Variants in USP43 observed in about 807,000 individuals in gnomAD.
USP43 encodes ubiquitin carboxyl-terminal hydrolase 43.
Under a neutral mutation model 90.7 loss-of-function variants are expected in USP43, and 33 were observed. The observed-to-expected ratio is 0.36, with a 90% CI of 0.28 to 0.49. The LOEUF (loss-of-function observed/expected upper bound fraction) is 0.49, where lower values mean the gene tolerates loss of function less well. Among genes scored for constraint, USP43 ranks in the 20% least tolerant of loss-of-function variants. The probability of loss-of-function intolerance (pLI) is 0.98; values close to 1 mark genes in which losing one functional copy is unlikely to be tolerated. For missense variants in USP43, 1,274 were observed against 1,476.4 expected, an observed-to-expected ratio of 0.86 and a Z score of 2.25; for synonymous variants, 598 against 615.8, an observed-to-expected ratio of 0.97 and a Z score of 0.43.
chr17:9,688,372 G>T (rs548112651), intron 8 of USP43, among the ~76,000 whole-genome samples: 109 of 144,200 alleles, frequency 7.6e-4, no homozygotes, highest in Non-Finnish European at 1.4e-3. Context: ...TTTTTTTTGA[G>T]ATGGAGTCTC....
intron 8 of USP43, among the ~76,000 whole-genome samples, chr17:9,689,100 A>T (rs1914772807): frequency 6.6e-6 from 1 of 151,888 alleles, no homozygotes; most frequent in Non-Finnish European, 1.5e-5. Flanking sequence ...GGGTGAATGT[A>T]TGGTCAGACA....
At chr17:9,711,319 C>T (rs1343392652) in intron 13 of USP43, among the ~76,000 whole-genome samples, 1 of 152,132 alleles carries the variant, frequency 6.6e-6, no homozygotes, top group Non-Finnish European at 1.5e-5. Context: ...TACTTTGGCT[C>T]TGGAAAAAGA....
At position 9,712,961 on chromosome 17, in the gene USP43, CATTT is replaced by C. The variant is rs1255971694; in HGVS notation, c.2335+832_2335+835del. On this transcript the variant is annotated intron_variant, in intron 14 of 14. Coordinates refer to ENST00000285199, the MANE Select transcript of USP43 (RefSeq NM_153210.5). ...TATTTAGAATATACATCACCTCAAA[CATTT>C]ATCATTTCTTTGTGACGGGAACATT... Among the ~76,000 whole-genome samples, 10 of 152,272 alleles carry C rather than the reference CATTT, an allele frequency of 6.6e-5. No homozygotes were observed. The South Asian group carries it at 1.9e-3, about 28-fold the overall frequency.
At chr17:9,664,745 C>T (rs984422812) in intron 2 of USP43, among the ~76,000 whole-genome samples, 2 of 151,118 alleles carry the variant, frequency 1.3e-5, no homozygotes, top group Non-Finnish European at 2.9e-5. Flanking sequence ...TCACGCCATT[C>T]TCCTGCCTCA....
At chr17:9,707,646 C>CAA (rs34253588) in intron 12 of USP43, among the ~76,000 whole-genome samples, 15,455 of 86,740 alleles carry the variant, frequency 0.18, 1,233 homozygotes, top group African/African-American at 0.22. Flanking sequence ...GACTCTGTCT[C>CAA]AAAAAAAAAA....
In USP43 at chr17:9,710,042, A is replaced by G; in HGVS notation, c.2098A>G (p.Arg700Gly). 6.3e-7 allele frequency: 1 copy of G among 1,575,510 alleles called. No individual in the cohort carries two copies. Reference sequence around the variant, plus strand: ...GCTTCGAGAAGATGAGGTCAACACCAGAGGGGCTTATATCCTGTTCTATCA... The same window carrying G: ...GCTTCGAGAAGATGAGGTCAACACCGGAGGGGCTTATATCCTGTTCTATCA... ...EPLREDEVNT[R>G]GAYILFYQKR... The change falls in exon 13 of 15, where the codon AGA becomes GGA. Residue 700 changes from arginine to glycine, a missense_variant. By Grantham distance (125) the Arg-to-Gly change is moderately radical. Coordinates refer to ENST00000285199, the MANE Select transcript of USP43 (RefSeq NM_153210.5).
In USP43 at chr17:9,686,976, T is replaced by C. The variant is rs1343506481; in HGVS notation, c.1353+67T>C. On this transcript the variant is annotated intron_variant, in intron 8 of 14. Coordinates refer to ENST00000285199, the MANE Select transcript of USP43 (RefSeq NM_153210.5). The surrounding 1 kb of genome is among the most constrained non-coding windows in gnomAD (Gnocchi z 5.5). ...GCATGTGCATGCGTGTGTGTGGGTG[T>C]GTGTATTGGGAGGGGTGGAATTTAG... 2 of 1,447,388 alleles carry C rather than the reference T, an allele frequency of 1.4e-6. No homozygotes were observed. Among genetic ancestry groups the C allele is most frequent in the African/African-American group, 2.8e-5 (2 of 71,882 alleles). The allele number at this position is 1,447,388 out of a possible 1,614,324, so 89.7% of individuals were successfully genotyped here. A position where few individuals can be genotyped will look rare whatever the true frequency, so the allele number is the denominator to read the frequency against.
Position 9,725,250 on chromosome 17 carries a change from C to A in USP43, c.2336-2704C>A, listed in dbSNP as rs551393416. Among the ~76,000 whole-genome samples, 3 of 144,888 alleles carry A rather than the reference C, an allele frequency of 2.1e-5. No individual in the cohort carries two copies. The South Asian group carries it at 7.0e-4, about 34-fold the overall frequency. On this transcript the variant is annotated intron_variant, in intron 14 of 14. Coordinates refer to ENST00000285199, the MANE Select transcript of USP43 (RefSeq NM_153210.5). ...TTTATAACCTTCAGGAAGAACCTAA[C>A]GGCCTGTGTCTTTAATGCAGTGTAA...
intron 9 of USP43, among the ~76,000 whole-genome samples, chr17:9,699,865 A>G (rs1915471931): frequency 6.6e-6 from 1 of 152,158 alleles, no homozygotes; most frequent in Non-Finnish European, 1.5e-5. Flanking sequence ...CCCTATAGAC[A>G]TTGAGAAGGT....
At position 9,709,134 on chromosome 17, in the gene USP43, G is replaced by A. The variant is rs563252756; in HGVS notation, c.2012-822G>A. Among the ~76,000 whole-genome samples the A allele has an allele frequency of 3.3e-5, 5 of 152,296 alleles. No homozygotes were observed. The South Asian group carries it at 1.0e-3, about 32-fold the overall frequency. On this transcript the variant is annotated intron_variant, in intron 12 of 14. Coordinates refer to ENST00000285199, the MANE Select transcript of USP43 (RefSeq NM_153210.5). This position sits in a 1 kb window ranked among gnomAD's most constrained non-coding sequence, Gnocchi z 5.0. ...GGGTTATGCTGTCATTTGCTGACAC[G>A]TAGAGGGCAAGGAAACGGATATTTT...
rs1297104773 is a variant in USP43 at position 9,709,388 on chromosome 17, G to T, written c.2012-568G>T. Among the ~76,000 whole-genome samples, 1 of 152,080 alleles carries T rather than the reference G, an allele frequency of 6.6e-6. No homozygotes were observed. Among genetic ancestry groups the T allele is most frequent in the Non-Finnish European group, 1.5e-5 (1 of 68,018 alleles). On this transcript the variant is annotated intron_variant, in intron 12 of 14. Coordinates refer to ENST00000285199, the MANE Select transcript of USP43 (RefSeq NM_153210.5). This position sits in a 1 kb window ranked among gnomAD's most constrained non-coding sequence, Gnocchi z 5.0. ...GGAGCTCCCTTTTATTTGAGATTTT[G>T]CCTGATGAAGGGGTAGAATATTCAA...
rs61729500 is a variant in USP43 at position 9,728,252 on chromosome 17, T to C, written c.2634T>C (p.Asp878=). Residue 878 remains aspartate, a synonymous_variant, in exon 15 of 15, where the codon GAT becomes GAC. Coordinates refer to ENST00000285199, the MANE Select transcript of USP43 (RefSeq NM_153210.5). The surrounding 1 kb of genome is among the most constrained non-coding windows in gnomAD (Gnocchi z 6.2). ...TCGCCCTTCCTGCTAACAGCGAAGA[T>C]GGTGGGCGGGCCATTGAAAGAGGTC... ...SNVALPANSE[D]GGRAIERGPA... 4,205 of 1,613,754 alleles carry C rather than the reference T, an allele frequency of 2.6e-3. 90 individuals are homozygous for C. In the African/African-American group the frequency reaches 0.049, roughly 19 times the overall value.
intron 5 of USP43, among the ~76,000 whole-genome samples, chr17:9,677,952 A>G (rs1424600437): frequency 6.6e-6 from 1 of 152,054 alleles, no homozygotes; most frequent in African/African-American, 2.4e-5. Context: ...CTCTATCGCT[A>G]CCTCATAGAA....
chr17:9,682,901 A>AGAGCAAG lies in USP43; in HGVS notation c.1186_1192dup (p.Val398GlufsTer9), dbSNP rs779842659. 6.2e-7 allele frequency: 1 copy of AGAGCAAG among 1,614,026 alleles called. No homozygotes were observed. Among genetic ancestry groups the AGAGCAAG allele is most frequent in the Non-Finnish European group, 8.5e-7 (1 of 1,179,888 alleles). On this transcript the variant is annotated frameshift_variant, in exon 7 of 15. Transcript: ENST00000285199. LOFTEE classifies it high-confidence loss of function. Reference sequence around the variant, plus strand: ...CGATTCTCCCTCTCTCTCCACAGTGAGAGCAAGGTGCTAATCCTCTTCTGT... The same window carrying AGAGCAAG: ...CGATTCTCCCTCTCTCTCCACAGTGAGAGCAAGGAGCAAGGTGCTAATCCTCTTCTGT...
At chr17:9,649,677 TAA>T (rs56962060) in intron 1 of USP43, among the ~76,000 whole-genome samples, 3,641 of 108,008 alleles carry the variant, frequency 0.034, 147 homozygotes, top group African/African-American at 0.1. Flanking sequence ...TTGCACATTG[TAA>T]AAAAAAAAAA....
In USP43 at chr17:9,686,322, T is replaced by TA. The variant is rs1217405111; in HGVS notation, c.1242-473dup. Among the ~76,000 whole-genome samples the TA allele has an allele frequency of 2.0e-5, 3 of 152,196 alleles. No homozygotes were observed. Among genetic ancestry groups the TA allele is most frequent in the African/African-American group, 7.2e-5 (3 of 41,440 alleles). ...TTGACATGATGATCTTTCCTTTGGA[T>TA]AAATACCCAGTAGTGGGATGGCTGG... is the stretch of plus-strand genomic sequence containing the variant. On this transcript the variant is annotated intron_variant, in intron 7 of 14. Coordinates refer to ENST00000285199, the MANE Select transcript of USP43 (RefSeq NM_153210.5). The surrounding 1 kb of genome is among the most constrained non-coding windows in gnomAD (Gnocchi z 5.5).
In USP43 at chr17:9,701,253, C is replaced by G. The variant is rs1293008810; in HGVS notation, c.1662+8C>G. 1 of 1,606,424 alleles carries G rather than the reference C, an allele frequency of 6.2e-7. No individual in the cohort carries two copies. The highest frequency in any genetic ancestry group is 2.2e-5 in the East Asian group (1 of 44,734). ...TACACCAAGGAGGAGCAGGTCCCGCCCTGGGGGTCCATGCCCCGGCCGGGA... is the reference window on the plus strand; with the variant it reads ...TACACCAAGGAGGAGCAGGTCCCGCGCTGGGGGTCCATGCCCCGGCCGGGA... On this transcript the variant is annotated splice_region_variant and intron_variant, in intron 11 of 14. Transcript: ENST00000285199. This position sits in a 1 kb window ranked among gnomAD's most constrained non-coding sequence, Gnocchi z 7.2.
At position 9,684,688 on chromosome 17, in the gene USP43, G is replaced by A. The variant is rs372746726; in HGVS notation, c.1241+1730G>A. Among the ~76,000 whole-genome samples the A allele has an allele frequency of 2.4e-3, 365 of 151,394 alleles. 1 individual carries two copies. Among genetic ancestry groups the A allele is most frequent in the African/African-American group, 7.6e-3 (314 of 41,162 alleles). On this transcript the variant is annotated intron_variant, in intron 7 of 14. Coordinates refer to ENST00000285199, the MANE Select transcript of USP43 (RefSeq NM_153210.5). ...TGAGGCAGGAGAATTGCTTGAACCC[G>A]GGAGGCGGAGGTTGCGGTGAGCCGA...
In USP43 at chr17:9,689,739, T is replaced by TA. The variant is rs199838054; in HGVS notation, c.1353+2833dup. Among the ~76,000 whole-genome samples the TA allele has an allele frequency of 8.5e-3, 1,299 of 152,204 alleles. 11 individuals carry two copies. The highest frequency in any genetic ancestry group is 0.021 in the Middle Eastern group (6 of 292). The stretch of plus-strand genomic sequence containing the variant: ...ACCCAAACACTTTTATGGTATTTTG[T>TA]AAACGGGGGTGTGTGAGGCCAGCAC... On this transcript the variant is annotated intron_variant, in intron 8 of 14. Transcript: ENST00000285199.
Sources: gnomAD v4.1 joint callset for allele counts (sites outside exome capture counted in the v4.1 genomes callset) on GRCh38, gnomAD v4.1.1 for gene constraint, Gnocchi (gnomAD v3.1) non-coding constraint, MANE v1.5 for transcripts, NCBI Gene and HGNC (gene_info 2026-07-23, HGNC 2026-07-21) for gene names.